KANSL3: variants seen among roughly 807,000 people sequenced by gnomAD.
KANSL3 encodes the protein KAT8 regulatory NSL complex subunit 3.
KANSL3 carries 16 observed loss-of-function variants against 89.2 expected under a neutral mutation model. That is an observed-to-expected ratio of 0.18 (90% CI 0.12 to 0.27). The LOEUF (loss-of-function observed/expected upper bound fraction) is 0.27, where lower values mean the gene tolerates loss of function less well. KANSL3 is among the 10% of genes least tolerant of loss of function. KANSL3 has a pLI of 1.00. For missense variants in KANSL3, 879 were observed against 1,110.6 expected (o/e 0.79, Z 2.96); for synonymous variants, 385 against 419.7 (o/e 0.92, Z 1.01).
chr2:96,613,835 G>A (rs944314018), intron 5 of KANSL3, among the ~76,000 whole-genome samples: 6 of 152,038 alleles, frequency 3.9e-5, no homozygotes, highest in African/African-American at 1.4e-4. Context: ...TTGGAAAGCA[G>A]TCTGGATATG....
the KANSL3 span, among the ~76,000 whole-genome samples, chr2:96,582,697 T>C: frequency 1.3e-5 from 2 of 152,254 alleles, no homozygotes; most frequent in Non-Finnish European, 2.9e-5. Context: ...GCATGGGTAA[T>C]ATTTGCCTCT....
the KANSL3 span, among the ~76,000 whole-genome samples, chr2:96,585,637 A>T: frequency 6.6e-6 from 1 of 152,322 alleles, no homozygotes; most frequent in East Asian, 1.9e-4. Flanking sequence ...GAAAATAGTC[A>T]TTATATGAAA....
At chr2:96,623,929 T>C (rs1486099912) in intron 3 of KANSL3, among the ~76,000 whole-genome samples, 2 of 152,250 alleles carry the variant, frequency 1.3e-5, no homozygotes, top group African/African-American at 2.4e-5. Context: ...CCCTCTTAAC[T>C]GCCAAAGCCA....
rs138964565 is a variant in KANSL3, at chr2:96,618,091, G to A, written c.663+1268C>T. ...ACGGATTGCTTGAGCCCAGGAGTTCGAAGTTATAGCAAGCAATGATAGTGC... is the reference window on the plus strand; with the variant it reads ...ACGGATTGCTTGAGCCCAGGAGTTCAAAGTTATAGCAAGCAATGATAGTGC... On this transcript the variant is annotated intron_variant, in intron 5 of 20. Transcript: ENST00000431828. 4.0e-3 allele frequency among the ~76,000 whole-genome samples: 604 copies of A among 151,634 alleles called. 3 individuals carry two copies. The highest frequency in any genetic ancestry group is 8.7e-3 in the South Asian group (42 of 4,802).
chr2:96,614,006 T>A (rs1163062700), intron 5 of KANSL3, among the ~76,000 whole-genome samples: 1 of 152,214 alleles, frequency 6.6e-6, no homozygotes, highest in East Asian at 1.9e-4. Flanking sequence ...GTAAAAACAA[T>A]TTAATATATA....
downstream of KANSL3, among the ~76,000 whole-genome samples, chr2:96,592,488 A>G (rs2066294141): frequency 6.6e-6 from 1 of 152,148 alleles, no homozygotes; most frequent in Non-Finnish European, 1.5e-5. Context: ...ATCAACATCA[A>G]TTACTCTTGG....
chr2:96,613,655 A>G, intron 5 of KANSL3, 36 bp from the exon 6 acceptor site: 1 of 1,599,990 alleles, frequency 6.3e-7, no homozygotes, highest in African/African-American at 1.3e-5. Flanking sequence ...ACTCCAGTGT[A>G]AAGCAGGAGA....
chr2:96,637,993 G>A (rs1351980517), intron 1 of KANSL3: 1 of 152,352 alleles, frequency 6.6e-6, no homozygotes, highest in East Asian at 1.9e-4. Flanking sequence ...AAGCGATTTG[G>A]CCAAGGTCAT....
chr2:96,610,626 T>C (rs2068763574), intron 11 of KANSL3, 100 bp downstream of exon 11: 1 of 1,418,602 alleles, frequency 7.0e-7, no homozygotes, highest in African/African-American at 1.4e-5. Context: ...ATGCTGTCTT[T>C]TAACTGAACC....
At chr2:96,630,545 T>TTTATGGGTAAGA (rs1233129834) in intron 3 of KANSL3, among the ~76,000 whole-genome samples, 1 of 152,220 alleles carries the variant, frequency 6.6e-6, no homozygotes, top group Non-Finnish European at 1.5e-5. Context: ...GAAGTAACTG[T>TTTATGGGTAAGA]TTATGGGTAA....
intron 20 of KANSL3, among the ~76,000 whole-genome samples, chr2:96,596,590 G>A (rs2066559071): frequency 6.6e-6 from 1 of 152,190 alleles, no homozygotes; most frequent in South Asian, 2.1e-4. Context: ...GAAGACTGCT[G>A]GAGCCCAGAG....
At chr2:96,622,587 G>GA (rs1381498146) in intron 3 of KANSL3, among the ~76,000 whole-genome samples, 1 of 152,132 alleles carries the variant, frequency 6.6e-6, no homozygotes, top group Non-Finnish European at 1.5e-5. Context: ...AGCCAATTTG[G>GA]AAAAATTAAT....
At chr2:96,586,804 C>T in the KANSL3 span, among the ~76,000 whole-genome samples, 2 of 152,224 alleles carry the variant, frequency 1.3e-5, no homozygotes, top group African/African-American at 4.8e-5. Context: ...GTCCTCTATA[C>T]TTCTTGGCTC....
intron 11 of KANSL3, among the ~76,000 whole-genome samples, 165 bp from the exon 12 acceptor site, chr2:96,609,727 T>G (rs975234886): frequency 7.9e-5 from 12 of 152,034 alleles, no homozygotes; most frequent in Non-Finnish European, 1.6e-4. Flanking sequence ...TTTCCGTGTC[T>G]GCAAAATGGG....
intron 20 of KANSL3, among the ~76,000 whole-genome samples, chr2:96,599,399 T>C (rs780584348): frequency 6.6e-6 from 1 of 152,228 alleles, no homozygotes; most frequent in African/African-American, 2.4e-5. Flanking sequence ...GCTTGAAACA[T>C]GGCTAAAATG....
chr2:96,588,614 G>A (rs776874478), downstream of KANSL3, among the ~76,000 whole-genome samples: 9 of 151,398 alleles, frequency 5.9e-5, no homozygotes, highest in South Asian at 2.1e-4. Context: ...TTTTGGAGAC[G>A]GAGTCTCGCT....
At chr2:96,596,186 G>A (rs1306176753) in intron 20 of KANSL3, among the ~76,000 whole-genome samples, 1 of 152,182 alleles carries the variant, frequency 6.6e-6, no homozygotes, top group African/African-American at 2.4e-5. Flanking sequence ...TAGAGAGGGT[G>A]GCCTTTTTTA....
intron 14 of KANSL3, chr2:96,606,884 G>A: frequency 1.5e-6 from 1 of 684,628 alleles, no homozygotes; most frequent in Non-Finnish European, 2.2e-6. Flanking sequence ...CCAAACTGAG[G>A]CAGATGAGAG....
chr2:96,585,547 C>T, the KANSL3 span, among the ~76,000 whole-genome samples: 2 of 152,140 alleles, frequency 1.3e-5, no homozygotes, highest in Non-Finnish European at 1.5e-5. Flanking sequence ...CTATGGAGAA[C>T]AGTATGGAAA....
Sources: gnomAD v4.1 joint callset for allele counts (sites outside exome capture counted in the v4.1 genomes callset) on GRCh38, gnomAD v4.1.1 for gene constraint, MANE v1.5 for transcripts, NCBI Gene and HGNC (gene_info 2026-07-23, HGNC 2026-07-21) for gene names.